The following NRG1 variants were observed in gnomAD, a reference collection of about 807,000 sequenced individuals.
NRG1 encodes neuregulin 1, also known as pro-neuregulin-1, membrane-bound isoform.
A neutral mutation model predicts 63.8 loss-of-function variants in NRG1; 18 were observed. That is an observed-to-expected ratio of 0.28 (90% CI 0.19 to 0.42). The LOEUF is 0.42. Among genes scored for constraint, NRG1 ranks in the 10% least tolerant of loss-of-function variants. The pLI is 1.00. For synonymous variants in NRG1, 302 were observed against 301.3 expected, an observed-to-expected ratio of 1.00 and a Z score of -0.02; for missense variants, 762 against 814.7, an observed-to-expected ratio of 0.94 and a Z score of 0.79.
intron 1 of NRG1, among the ~76,000 whole-genome samples, chr8:31,912,163 C>T (rs1832997130): frequency 6.6e-6 from 1 of 152,100 alleles, no homozygotes; most frequent in South Asian, 2.1e-4. Context: ...AAGCACAGGG[C>T]CAAATGCAAT....
chr8:32,648,261 T>C (rs746347947), intron 5 of NRG1: 1 of 1,614,084 alleles, frequency 6.2e-7, no homozygotes, highest in African/African-American at 1.3e-5. Context: ...TTTTGCCTTT[T>C]CTTTCTTGCC....
chr8:31,661,781 C>T (rs923714331), intron 1 of NRG1, among the ~76,000 whole-genome samples: 1 of 152,324 alleles, frequency 6.6e-6, no homozygotes, highest in Admixed American at 6.5e-5. Flanking sequence ...AAGTCTTTGA[C>T]ATAGCATGAC....
chr8:32,670,261 G>A (rs573052122), intron 5 of NRG1, among the ~76,000 whole-genome samples: 19 of 152,256 alleles, frequency 1.2e-4, no homozygotes, highest in Admixed American at 3.9e-4. Flanking sequence ...AGGTGAAAGG[G>A]TTTTTAGGAC....
chr8:31,785,779 G>T (rs1431213922), intron 1 of NRG1, among the ~76,000 whole-genome samples: 1 of 152,036 alleles, frequency 6.6e-6, no homozygotes, highest in Non-Finnish European at 1.5e-5. Flanking sequence ...TTAATCACAG[G>T]TTTGAAGAAA....
chr8:31,669,837 G>T (rs4397360), intron 1 of NRG1, among the ~76,000 whole-genome samples: 152,071 of 152,268 alleles, frequency 1, 75,937 homozygotes, highest in Middle Eastern at 1. Flanking sequence ...ATTGAATAAA[G>T]CATGTGTGTG....
At chr8:32,727,090 C>T (rs1300818139) in intron 5 of NRG1, among the ~76,000 whole-genome samples, 4 of 152,146 alleles carry the variant, frequency 2.6e-5, no homozygotes, top group Non-Finnish European at 4.4e-5. Context: ...CATCCTGGTA[C>T]TAAATGCCCT....
At chr8:32,219,551 A>G (rs1029614585) in intron 1 of NRG1, among the ~76,000 whole-genome samples, 1 of 152,164 alleles carries the variant, frequency 6.6e-6, no homozygotes. Flanking sequence ...GCCTTATTGT[A>G]TGGGTTACAA....
At chr8:32,301,408 A>C (rs1855551047) in intron 1 of NRG1, among the ~76,000 whole-genome samples, 1 of 152,186 alleles carries the variant, frequency 6.6e-6, no homozygotes, top group Non-Finnish European at 1.5e-5. Context: ...TCGGTTACAA[A>C]TGAAGTCATC....
chr8:32,005,205 A>T (rs917683538), intron 1 of NRG1, among the ~76,000 whole-genome samples: 5 of 151,850 alleles, frequency 3.3e-5, no homozygotes, highest in African/African-American at 1.2e-4. Context: ...AAGGATGGGT[A>T]GCTGTTCTGT....
chr8:31,851,776 A>T (rs1827254915), intron 1 of NRG1, among the ~76,000 whole-genome samples: 1 of 113,988 alleles, frequency 8.8e-6, no homozygotes, highest in Middle Eastern at 7.0e-3. Flanking sequence ...ACCCCACAAC[A>T]GTCCCCAGAG....
intron 5 of NRG1, among the ~76,000 whole-genome samples, chr8:32,618,123 G>A (rs977137626): frequency 1.3e-5 from 2 of 151,546 alleles, no homozygotes; most frequent in Non-Finnish European, 2.9e-5. Flanking sequence ...TGTGCTATTT[G>A]TTTTTTAATT....
chr8:31,687,759 G>A (rs1809055024), intron 1 of NRG1, among the ~76,000 whole-genome samples: 1 of 152,226 alleles, frequency 6.6e-6, no homozygotes, highest in African/African-American at 2.4e-5. Context: ...CAACATGGAA[G>A]CTTTAGAACT....
chr8:31,927,509 C>T (rs1467870501), intron 1 of NRG1, among the ~76,000 whole-genome samples: 4 of 121,816 alleles, frequency 3.3e-5, no homozygotes, highest in South Asian at 2.6e-4. Flanking sequence ...AGTGCAGTGG[C>T]GGGATCTCGG....
intron 1 of NRG1, among the ~76,000 whole-genome samples, chr8:31,691,152 T>A (rs1051186196): frequency 3.3e-5 from 5 of 152,162 alleles, no homozygotes; most frequent in East Asian, 1.9e-4. Flanking sequence ...AGGTAGTAGA[T>A]GTTTATTTAG....
chr8:31,778,635 T>C (rs1050785454), intron 1 of NRG1, among the ~76,000 whole-genome samples: 4 of 152,240 alleles, frequency 2.6e-5, no homozygotes, highest in African/African-American at 9.6e-5. Flanking sequence ...AGAATAGGGA[T>C]AATAATAGTA....
chr8:31,675,375 A>T (rs757738464), intron 1 of NRG1, among the ~76,000 whole-genome samples: 2 of 152,170 alleles, frequency 1.3e-5, no homozygotes, highest in Admixed American at 1.3e-4. Context: ...GAGTTTTGTC[A>T]TAAGAACATA....
chr8:32,724,200 T>G (rs1821454213), intron 5 of NRG1, among the ~76,000 whole-genome samples: 1 of 152,214 alleles, frequency 6.6e-6, no homozygotes, highest in African/African-American at 2.4e-5. Context: ...GATTTTGTAG[T>G]GTTTCTAATT....
At chr8:32,033,717 A>C (rs1270993215) in intron 1 of NRG1, among the ~76,000 whole-genome samples, 3 of 152,090 alleles carry the variant, frequency 2.0e-5, no homozygotes, top group African/African-American at 7.2e-5. Context: ...GCAATTGTGA[A>C]TAGGAGTTCA....
chr8:32,749,605 C>A, intron 7 of NRG1: 1 of 1,612,326 alleles, frequency 6.2e-7, no homozygotes, highest in South Asian at 1.1e-5. Flanking sequence ...ATCATCATTC[C>A]TTTTAGCCTG....
Sources: gnomAD v4.1 joint callset for allele counts (sites outside exome capture counted in the v4.1 genomes callset) on GRCh38, gnomAD v4.1.1 for gene constraint, MANE v1.5 for transcripts, NCBI Gene and HGNC (gene_info 2026-07-23, HGNC 2026-07-21) for gene names.